Variants in EP400 observed in about 807,000 individuals in gnomAD.
EP400 encodes E1A binding protein p400, also known as E1A-binding protein p400.
EP400 carries 105 observed loss-of-function variants against 354.1 expected under a neutral mutation model. That is an observed-to-expected ratio of 0.30 (90% CI 0.25 to 0.35). EP400 has a LOEUF of 0.35. Ranked by LOEUF, EP400 falls within the 10% of genes least tolerant of loss-of-function variation. The pLI is 1.00. For missense variants in EP400, 3,280 were observed against 4,121.0 expected (o/e 0.80, Z 5.59); for synonymous variants, 1,646 against 1,716.9 (o/e 0.96, Z 1.02).
chr12:132,077,368 G>C, intron 52 of EP400, 33 bp from the exon 53 acceptor site: 1 of 1,592,570 alleles, frequency 6.3e-7, no homozygotes, highest in Non-Finnish European at 8.6e-7. Context: ...GAGTTTCCTG[G>C]GCAATGTGTG....
intron 5 of EP400, among the ~76,000 whole-genome samples, chr12:131,984,683 A>C (rs1015797735): frequency 6.6e-6 from 1 of 152,090 alleles, no homozygotes; most frequent in Non-Finnish European, 1.5e-5. Flanking sequence ...AGCTGTGGAA[A>C]ATGGTTTTAT....
rs1893833635 is a variant in EP400 at position 132,013,616 on chromosome 12, T to C, written c.3738T>C (p.Ser1246=). The change falls in exon 18 of 53, where the codon AGT becomes AGC. Residue 1246 remains serine (S), a synonymous_variant. Transcript: ENST00000389561. This position sits in a 1 kb window ranked among gnomAD's most constrained non-coding sequence, Gnocchi z 4.5. ...TGAGCTCCCCTCTGAGGGCCCCCAG[T>C]GAAGAGAGCCAGGATTACTACCATA... ...PYLSSPLRAP[S]EESQDYYHKV... The C allele has an allele frequency of 1.2e-6, 2 of 1,613,602 alleles. No homozygotes were observed. The highest frequency in any genetic ancestry group is 2.7e-5 in the African/African-American group (2 of 74,894).
chr12:131,950,138 G>C (rs1180767180), intron 1 of EP400, 102 bp downstream of exon 1: 1 of 151,826 alleles, frequency 6.6e-6, no homozygotes, highest in Non-Finnish European at 1.5e-5. Flanking sequence ...TACAGGGCCC[G>C]CTCGCCGGCC....
rs942707614 is a variant in EP400, at chr12:132,006,864, A to T, written c.3291A>T (p.Leu1097=). 1 of 1,613,806 alleles carries T rather than the reference A, an allele frequency of 6.2e-7. No individual in the cohort carries two copies. The change falls in exon 15 of 53, where the codon CTA becomes CTT. Residue 1097 remains leucine, a synonymous_variant. Coordinates refer to ENST00000389561, the MANE Select transcript of EP400 (RefSeq NM_015409.5). ...AGATCATTGCTTTTTTTGCCCACCT[A>T]GCTTGTAACGAAGGTAAGAGTTTGC... ...TVQIIAFFAH[L]ACNEGNWGPH...
At chr12:131,969,465 C>A (rs562864848) in intron 2 of EP400, among the ~76,000 whole-genome samples, 38 of 152,272 alleles carry the variant, frequency 2.5e-4, no homozygotes, top group Non-Finnish European at 4.9e-4. Context: ...GCCCAGCCCC[C>A]CTCCTGGTGG....
At chr12:131,981,692 G>A in intron 4 of EP400, 96 bp downstream of exon 4, 3 of 1,088,868 alleles carry the variant, frequency 2.8e-6, no homozygotes, top group Non-Finnish European at 4.0e-6. Flanking sequence ...GGCAGTGGAG[G>A]TAGCGTGTTT....
intron 7 of EP400, among the ~76,000 whole-genome samples, chr12:131,989,586 A>T (rs1892965761): frequency 6.6e-6 from 1 of 152,270 alleles, no homozygotes; most frequent in African/African-American, 2.4e-5. Context: ...GAATTATCGC[A>T]GCCCAATAAT....
chr12:131,982,169 G>A lies in EP400; in HGVS notation c.1620G>A (p.Thr540=), dbSNP rs777486942. 28 of 1,607,742 alleles carry A rather than the reference G, an allele frequency of 1.7e-5. No individual in the cohort carries two copies. The highest frequency in any genetic ancestry group is 1.7e-4 in the Middle Eastern group (1 of 6,012). ...RQSQQQYDPS[T]GPPVQNAASL... is the part of the protein sequence containing the mutation. ...GTCAGCAGCAGTATGACCCCTCCACGGGGCCTCCCGTGCAGAACGCTGCCA... is the reference window on the plus strand; with the variant it reads ...GTCAGCAGCAGTATGACCCCTCCACAGGGCCTCCCGTGCAGAACGCTGCCA... Residue 540 remains threonine, a synonymous_variant, in exon 5 of 53, where the codon ACG becomes ACA. Transcript: ENST00000389561.
Position 132,045,028 on chromosome 12 carries a change from GCTGTCTGCCTGTCTGCTGTCTGC to G in EP400, c.6784+84_6784+106del. ...AATCCCTGCATGTCAGCCACTTTCT[GCTGTCTGCCTGTCTGCTGTCTGC>G]CTGTCTGCTGCAGGGCTAGCGATCA... On this transcript the variant is annotated intron_variant, in intron 37 of 52. Coordinates refer to ENST00000389561, the MANE Select transcript of EP400 (RefSeq NM_015409.5). 3.7e-6 allele frequency: 5 copies of G among 1,345,404 alleles called. No homozygotes were observed. In the Middle Eastern group the frequency reaches 7.8e-4, roughly 211 times the overall value. 83.3% of individuals were successfully genotyped at this position (1,345,404 alleles called of 1,614,324 possible).
Position 132,053,477 on chromosome 12 carries a change from A to G in EP400, c.7608A>G (p.Pro2536=). Residue 2536 remains proline (P), a synonymous_variant, in exon 43 of 53, where the codon CCA becomes CCG. Coordinates refer to ENST00000389561, the MANE Select transcript of EP400 (RefSeq NM_015409.5). Reference sequence around the variant, plus strand: ...CACAGGCAGCGGGCAGCCAGCCGCCAGCAGGGCCACCAGCTGTCCAGCCCC... The same window carrying G: ...CACAGGCAGCGGGCAGCCAGCCGCCGGCAGGGCCACCAGCTGTCCAGCCCC... ...PQPQAAGSQP[P]AGPPAVQPQP... is the part of the protein sequence containing the mutation. 2.7e-6 allele frequency: 4 copies of G among 1,469,912 alleles called. No homozygotes were observed. Among genetic ancestry groups the G allele is most frequent in the Non-Finnish European group, 3.6e-6 (4 of 1,111,814 alleles). 91.1% of individuals were successfully genotyped at this position (1,469,912 alleles called of 1,614,324 possible).
chr12:132,046,892 C>T (rs963651655), intron 39 of EP400, among the ~76,000 whole-genome samples: 2 of 152,170 alleles, frequency 1.3e-5, no homozygotes, highest in Admixed American at 6.5e-5. Flanking sequence ...GCCATGCTGG[C>T]GTGTGGGGAC....
chr12:131,992,686 A>G (rs1005763607), intron 11 of EP400, among the ~76,000 whole-genome samples: 4 of 152,106 alleles, frequency 2.6e-5, no homozygotes, highest in Non-Finnish European at 5.9e-5. Context: ...GCCCACGGCC[A>G]TGACCTATTT....
intron 12 of EP400, among the ~76,000 whole-genome samples, chr12:131,996,274 T>C (rs2136510709): frequency 6.6e-6 from 1 of 151,082 alleles, no homozygotes; most frequent in South Asian, 2.1e-4. Context: ...GGTGCCAAGC[T>C]CCACATCTCA....
chr12:131,992,968 A>G (rs1893090661), intron 11 of EP400, among the ~76,000 whole-genome samples: 1 of 152,174 alleles, frequency 6.6e-6, no homozygotes. Flanking sequence ...TTGGAAGTCA[A>G]CAGGGAGTTT....
At chr12:132,016,367 CT>C (rs937900342) in intron 19 of EP400, among the ~76,000 whole-genome samples, 6 of 151,346 alleles carry the variant, frequency 4.0e-5, no homozygotes, top group Non-Finnish European at 7.4e-5. Context: ...CTTTTTTTTT[CT>C]TTTTTTTCCT....
chr12:132,023,754 C>A, intron 23 of EP400, 23 bp from the exon 24 acceptor site: 1 of 1,609,758 alleles, frequency 6.2e-7, no homozygotes, highest in South Asian at 1.1e-5. Flanking sequence ...TCTGAATTCA[C>A]CTTTTCCTCT....
intron 23 of EP400, among the ~76,000 whole-genome samples, chr12:132,023,419 G>A (rs1281715006): frequency 1.4e-5 from 2 of 143,656 alleles, no homozygotes; most frequent in Admixed American, 7.4e-5. Flanking sequence ...GCCTCCCAAA[G>A]TGCTGGGATT....
intron 48 of EP400, chr12:132,065,125 A>AG: frequency 2.8e-6 from 2 of 716,832 alleles, no homozygotes; most frequent in South Asian, 2.0e-5. Flanking sequence ...GCTTGAATTG[A>AG]GGGGGGTGGA....
intron 45 of EP400, among the ~76,000 whole-genome samples, chr12:132,058,909 C>T (rs1041731738): frequency 6.6e-6 from 1 of 151,754 alleles, no homozygotes; most frequent in South Asian, 2.1e-4. Flanking sequence ...ACCTCAGCTT[C>T]CTGAATAGTT....
Sources: allele counts gnomAD v4.1 joint callset (sites outside exome capture counted in the v4.1 genomes callset), GRCh38; gene constraint gnomAD v4.1.1; non-coding constraint Gnocchi (gnomAD v3.1); transcripts MANE v1.5; gene names NCBI Gene and HGNC (gene_info 2026-07-23, HGNC 2026-07-21).